Variants in CAMTA1 observed in about 807,000 individuals in gnomAD.
CAMTA1 encodes the protein calmodulin-binding transcription activator 1.
A neutral mutation model predicts 170.9 loss-of-function variants in CAMTA1; 27 were observed. The ratio of observed to expected loss-of-function variants is 0.16; its 90% CI spans 0.12 to 0.22. The LOEUF (loss-of-function observed/expected upper bound fraction) is 0.22, where lower values mean the gene tolerates loss of function less well. CAMTA1 is among the 10% of genes least tolerant of loss of function. The pLI is 1.00. For synonymous variants in CAMTA1, 833 were observed against 891.5 expected (o/e 0.93, Z 1.17); for missense variants, 1,619 against 2,217.2 (o/e 0.73, Z 5.42).
chr1:6,907,747 C>T (rs914490103), intron 3 of CAMTA1, among the ~76,000 whole-genome samples: 7 of 152,190 alleles, frequency 4.6e-5, no homozygotes, highest in Non-Finnish European at 1.0e-4. Context: ...CCAGAAGTAG[C>T]GTGGGCATGT....
intron 3 of CAMTA1, among the ~76,000 whole-genome samples, chr1:6,831,530 C>T (rs1011796325): frequency 2.6e-5 from 4 of 152,236 alleles, no homozygotes; most frequent in Non-Finnish European, 5.9e-5. Context: ...AATATAACTA[C>T]TGCATTCCCT....
intron 5 of CAMTA1, among the ~76,000 whole-genome samples, chr1:7,358,433 G>C (rs2085291001): frequency 6.6e-6 from 1 of 152,148 alleles, no homozygotes; most frequent in Admixed American, 6.5e-5. Flanking sequence ...TACACTGTTT[G>C]TATTTTTTAT....
chr1:7,367,464 G>A (rs562962126), intron 5 of CAMTA1, among the ~76,000 whole-genome samples: 1 of 152,348 alleles, frequency 6.6e-6, no homozygotes, highest in South Asian at 2.1e-4. Flanking sequence ...GGGTGAGGCC[G>A]GCTCAGCAGG....
At chr1:7,466,598 T>C (rs1007545664) in intron 5 of CAMTA1, among the ~76,000 whole-genome samples, 10 of 152,152 alleles carry the variant, frequency 6.6e-5, no homozygotes, top group African/African-American at 2.2e-4. Context: ...TTCAAGGGTA[T>C]GGGGACAACA....
chr1:7,397,399 A>T (rs10864299), intron 5 of CAMTA1, among the ~76,000 whole-genome samples: 93,752 of 151,742 alleles, frequency 0.62, 30,606 homozygotes, highest in Middle Eastern at 0.73. Context: ...TAGGTAGTCT[A>T]GAGAACAGTT....
chr1:7,498,263 A>AGT (rs57456166), intron 6 of CAMTA1, among the ~76,000 whole-genome samples: 26,404 of 147,880 alleles, frequency 0.18, 3,420 homozygotes, highest in East Asian at 0.38. Flanking sequence ...AGTGTATGAG[A>AGT]GAGCGTGTGT....
At chr1:6,817,950 A>G (rs890236942) in intron 1 of CAMTA1, among the ~76,000 whole-genome samples, 16 of 152,216 alleles carry the variant, frequency 1.1e-4, no homozygotes, top group Non-Finnish European at 1.8e-4. Flanking sequence ...GACCCTGAAA[A>G]CAATTTGACT....
intron 5 of CAMTA1, among the ~76,000 whole-genome samples, chr1:7,364,869 A>T (rs549802908): frequency 6.6e-6 from 1 of 152,264 alleles, no homozygotes; most frequent in East Asian, 1.9e-4. Context: ...GAGTGAATGG[A>T]TGAATGAATG....
intron 11 of CAMTA1, among the ~76,000 whole-genome samples, chr1:7,702,876 C>T (rs530209543): frequency 2.0e-5 from 3 of 152,186 alleles, no homozygotes; most frequent in Non-Finnish European, 4.4e-5. Context: ...TTTGGCAAAG[C>T]TGGCAACGGT....
chr1:7,405,164 T>G (rs761496784), intron 5 of CAMTA1, among the ~76,000 whole-genome samples: 14 of 151,984 alleles, frequency 9.2e-5, no homozygotes, highest in Non-Finnish European at 1.9e-4. Context: ...GGATGCGTCC[T>G]CCATGGAGTC....
intron 3 of CAMTA1, among the ~76,000 whole-genome samples, chr1:6,967,210 C>T (rs1013759174): frequency 6.6e-6 from 1 of 151,934 alleles, no homozygotes; most frequent in African/African-American, 2.4e-5. Flanking sequence ...CACTGCACTC[C>T]AGCCTGGGTG....
chr1:7,509,950 A>C (rs2094178392), intron 6 of CAMTA1, among the ~76,000 whole-genome samples: 2 of 150,766 alleles, frequency 1.3e-5, no homozygotes, highest in East Asian at 1.9e-4. Context: ...AGCTACCCTG[A>C]CTCTCAGTGA....
At chr1:7,630,688 G>C (rs2095663269) in intron 6 of CAMTA1, among the ~76,000 whole-genome samples, 1 of 152,234 alleles carries the variant, frequency 6.6e-6, no homozygotes, top group African/African-American at 2.4e-5. Context: ...GGCAGCCATG[G>C]GAAGGTGCTG....
At chr1:6,828,283 A>G (rs1344601558) in intron 3 of CAMTA1, among the ~76,000 whole-genome samples, 1 of 125,290 alleles carries the variant, frequency 8.0e-6, no homozygotes, top group African/African-American at 3.0e-5. Flanking sequence ...TGCTCATTCC[A>G]TCCTTTTTTT....
chr1:7,401,039 T>C lies in CAMTA1; in HGVS notation c.439-66791T>C, dbSNP rs927868887. ...CTTAATTTTGATGAAGTAAAATGGATCAATTTGTTCATTTATGAATTGTGT... is the reference window on the plus strand; with the variant it reads ...CTTAATTTTGATGAAGTAAAATGGACCAATTTGTTCATTTATGAATTGTGT... On this transcript the variant is annotated intron_variant, in intron 5 of 22. Coordinates refer to ENST00000303635, the MANE Select transcript of CAMTA1 (RefSeq NM_015215.4). Among the ~76,000 whole-genome samples the C allele has an allele frequency of 4.6e-5, 7 of 152,252 alleles. 1 individual carries two copies. Among genetic ancestry groups the C allele is most frequent in the Non-Finnish European group, 8.8e-5 (6 of 68,040 alleles).
chr1:7,238,745 G>A lies in CAMTA1; in HGVS notation c.303-10746G>A, dbSNP rs1224095250. On this transcript the variant is annotated intron_variant, in intron 4 of 22. Coordinates refer to ENST00000303635, the MANE Select transcript of CAMTA1 (RefSeq NM_015215.4). ...CTAAAAATACAAAAATTAGCGGGGC[G>A]TGGGGCATGTACCTGTAATCCCAGC... is the stretch of plus-strand genomic sequence containing the variant. Among the ~76,000 whole-genome samples, 3 of 152,182 alleles carry A rather than the reference G, an allele frequency of 2.0e-5. No individual in the cohort carries two copies. In the East Asian group the frequency reaches 5.8e-4, roughly 29 times the overall value.
chr1:7,291,707 C>A (rs551908619), intron 5 of CAMTA1, among the ~76,000 whole-genome samples: 7 of 152,370 alleles, frequency 4.6e-5, no homozygotes, highest in African/African-American at 1.7e-4. Context: ...AGAGCCTAGC[C>A]CAGGAGTGGG....
At chr1:7,228,300 C>T (rs939668633) in intron 4 of CAMTA1, among the ~76,000 whole-genome samples, 1 of 152,196 alleles carries the variant, frequency 6.6e-6, no homozygotes, top group Non-Finnish European at 1.5e-5. Context: ...GTGTTGCGAG[C>T]TCTTCAAGAA....
At chr1:7,004,490 G>T (rs925125074) in intron 3 of CAMTA1, among the ~76,000 whole-genome samples, 2 of 152,126 alleles carry the variant, frequency 1.3e-5, no homozygotes, top group African/African-American at 4.8e-5. Context: ...ATCCCACGGA[G>T]CCTTCAGAAC....
Sources: gnomAD v4.1 joint callset for allele counts (sites outside exome capture counted in the v4.1 genomes callset) on GRCh38, gnomAD v4.1.1 for gene constraint, MANE v1.5 for transcripts, NCBI Gene and HGNC (gene_info 2026-07-23, HGNC 2026-07-21) for gene names.